Variants in SRSF3 observed in about 807,000 individuals in gnomAD.
The protein encoded by SRSF3 is serine and arginine rich splicing factor 3.
For synonymous variants in SRSF3, 87 were observed against 73.6 expected, an observed-to-expected ratio of 1.18 and a Z score of -0.93; for missense variants, 58 against 217.1, an observed-to-expected ratio of 0.27 and a Z score of 4.61.
At chr6:36,597,403 G>A (rs1359713922) in intron 2 of SRSF3, among the ~76,000 whole-genome samples, 1 of 152,126 alleles carries the variant, frequency 6.6e-6, no homozygotes, top group African/African-American at 2.4e-5. Flanking sequence ...ACTGTGCCCA[G>A]CCAGGATCAA....
chr6:36,595,412 G>A (rs1778610033), intron 1 of SRSF3, among the ~76,000 whole-genome samples: 2 of 152,158 alleles, frequency 1.3e-5, no homozygotes, highest in South Asian at 4.1e-4. Context: ...TCAGTGTTGT[G>A]TAATCATCAC....
At position 36,598,766 on chromosome 6, in the gene SRSF3, A is replaced by G. The variant is rs1778672143; in HGVS notation, c.207-83A>G. On this transcript the variant is annotated intron_variant, in intron 2 of 5. Coordinates refer to ENST00000373715, the MANE Select transcript of SRSF3 (RefSeq NM_003017.5). ...GACACTTAGGTGTGTTCTTTGCAGA[A>G]TAGCCAACTGAGAGTACTTTTGGCT... 5 of 1,503,528 alleles carry G rather than the reference A, an allele frequency of 3.3e-6. No individual in the cohort carries two copies. In the African/African-American group the frequency reaches 7.0e-5, roughly 21 times the overall value. 93.1% of individuals were successfully genotyped at this position (1,503,528 alleles called of 1,614,324 possible).
intron 2 of SRSF3, among the ~76,000 whole-genome samples, chr6:36,597,821 C>G (rs2127505264): frequency 7.9e-6 from 1 of 126,534 alleles, no homozygotes; most frequent in Middle Eastern, 4.0e-3. Context: ...TTTTTTTTTA[C>G]TACTGTGAGC....
In SRSF3 at chr6:36,602,242, C is replaced by T; in HGVS notation, c.*253C>T. On this transcript the variant is annotated 3_prime_UTR_variant, in exon 6 of 6. Transcript: ENST00000373715. ...GTTCCCTTAAGCAAAATTGAATTTGCTTTGAACTTTTAGTTATGCACAGAC... is the reference window on the plus strand; with the variant it reads ...GTTCCCTTAAGCAAAATTGAATTTGTTTTGAACTTTTAGTTATGCACAGAC... The T allele has an allele frequency of 1.6e-6, 1 of 643,380 alleles. No individual in the cohort carries two copies. The highest frequency in any genetic ancestry group is 3.2e-5 in the East Asian group (1 of 31,574). 39.9% of individuals were successfully genotyped at this position (643,380 alleles called of 1,614,324 possible). A position where few individuals can be genotyped will look rare whatever the true frequency, so the allele number is the denominator to read the frequency against.
chr6:36,602,053 A>G lies in SRSF3; in HGVS notation c.*64A>G. ...TTCATTTGACAGGAGTATGTACAGA[A>G]AATTCAAGTTTTGTTTGAGACTTCA... On this transcript the variant is annotated 3_prime_UTR_variant, in exon 6 of 6. Transcript: ENST00000373715. The G allele has an allele frequency of 6.4e-7, 1 of 1,562,198 alleles. No individual in the cohort carries two copies. Among genetic ancestry groups the G allele is most frequent in the South Asian group, 1.2e-5 (1 of 82,218 alleles).
At chr6:36,594,742 G>A (rs1290694453) in intron 1 of SRSF3, 3 of 151,912 alleles carry the variant, frequency 2.0e-5, no homozygotes, top group African/African-American at 7.2e-5. Context: ...GCCGATAGCC[G>A]AGTTGTATTC....
Position 36,596,620 on chromosome 6 carries a change from T to G in SRSF3, c.-2-141T>G, listed in dbSNP as rs1194547161. 5.8e-6 allele frequency: 4 copies of G among 691,274 alleles called. 1 individual carries two copies. Among genetic ancestry groups the G allele is most frequent in the Non-Finnish European group, 9.6e-6 (4 of 417,050 alleles). The allele number at this position is 691,274 out of a possible 1,614,324, so 42.8% of individuals were successfully genotyped here. On this transcript the variant is annotated intron_variant, in intron 1 of 5. Coordinates refer to ENST00000373715, the MANE Select transcript of SRSF3 (RefSeq NM_003017.5). ...TTAGCAGTAACATTTCTTGTTTGGT[T>G]TCTAGCATTTTTGTAATTTTTTTTT...
At chr6:36,601,320 G>A (rs931023590) in intron 4 of SRSF3, 130 bp downstream of exon 4, 6 of 863,382 alleles carry the variant, frequency 6.9e-6, no homozygotes, top group African/African-American at 3.4e-5. Flanking sequence ...GTAAGGATGA[G>A]TCAGCTTTCT....
chr6:36,596,291 TGTAGGTACTTTGAATC>T lies in SRSF3; in HGVS notation c.-2-468_-2-453del, dbSNP rs1216256285. Reference sequence around the variant, plus strand: ...ATTAAAGCTGGTAAGTTTTGGCTTATGTAGGTACTTTGAATCGCTTGCCTGGTAGTATAACCTTAAG... The same window carrying T: ...ATTAAAGCTGGTAAGTTTTGGCTTATGCTTGCCTGGTAGTATAACCTTAAG... On this transcript the variant is annotated intron_variant, in intron 1 of 5. Coordinates refer to ENST00000373715, the MANE Select transcript of SRSF3 (RefSeq NM_003017.5). Among the ~76,000 whole-genome samples, 29 of 152,294 alleles carry T rather than the reference TGTAGGTACTTTGAATC, an allele frequency of 1.9e-4. No individual in the cohort carries two copies. The East Asian group carries it at 3.3e-3, about 17-fold the overall frequency.
In SRSF3 at chr6:36,604,033, C is replaced by G. The variant is rs1009750111; in HGVS notation, c.*2044C>G. ...ACTTTAACCAGGAGCCCTAGCATAA[C>G]CTCAAGACTCTTAGAAACTTTAGAA... is the stretch of plus-strand genomic sequence containing the variant. On this transcript the variant is annotated 3_prime_UTR_variant, in exon 6 of 6. Coordinates refer to ENST00000373715, the MANE Select transcript of SRSF3 (RefSeq NM_003017.5). The G allele has an allele frequency of 4.3e-6, 1 of 230,110 alleles. No individual in the cohort carries two copies. The highest frequency in any genetic ancestry group is 8.6e-6 in the Non-Finnish European group (1 of 116,182). The allele number at this position is 230,110 out of a possible 1,614,324, so 14.3% of individuals were successfully genotyped here. A position where few individuals can be genotyped will look rare whatever the true frequency, so the allele number is the denominator to read the frequency against.
At chr6:36,597,464 A>G (rs987290487) in intron 2 of SRSF3, among the ~76,000 whole-genome samples, 3 of 152,190 alleles carry the variant, frequency 2.0e-5, no homozygotes, top group Admixed American at 6.6e-5. Context: ...AATTGTTTAC[A>G]AAATGGTTAC....
intron 3 of SRSF3, chr6:36,600,391 C>A: frequency 1.7e-6 from 1 of 594,248 alleles, no homozygotes; most frequent in Non-Finnish European, 2.1e-6. Context: ...TGGTAACGTA[C>A]ATATATATTG....
Position 36,594,460 on chromosome 6 carries a change from C to T in SRSF3, c.-24C>T, listed in dbSNP as rs1388652451. 6.6e-6 allele frequency: 1 copy of T among 152,470 alleles called. No homozygotes were observed. Among genetic ancestry groups the T allele is most frequent in the Non-Finnish European group, 1.5e-5 (1 of 68,068 alleles). The allele number at this position is 152,470 out of a possible 1,614,324, so 9.4% of individuals were successfully genotyped here. A position where few individuals can be genotyped will look rare whatever the true frequency, so the allele number is the denominator to read the frequency against. ...CGGAGCGTGTGGATTTGAGCCGCCG[C>T]ATTTTTTAACCCTAGATCTCGGTAA... is the stretch of plus-strand genomic sequence containing the variant. On this transcript the variant is annotated 5_prime_UTR_variant, in exon 1 of 6. Coordinates refer to ENST00000373715, the MANE Select transcript of SRSF3 (RefSeq NM_003017.5).
In SRSF3 at chr6:36,604,301, T is replaced by G. The variant is rs1447392417; in HGVS notation, c.*2312T>G. 3 of 213,698 alleles carry G rather than the reference T, an allele frequency of 1.4e-5. No homozygotes were observed. The highest frequency in any genetic ancestry group is 1.9e-5 in the Non-Finnish European group (2 of 105,740). 13.2% of individuals were successfully genotyped at this position (213,698 alleles called of 1,614,324 possible). A position where few individuals can be genotyped will look rare whatever the true frequency, so the allele number is the denominator to read the frequency against. On this transcript the variant is annotated 3_prime_UTR_variant, in exon 6 of 6. Transcript: ENST00000373715. ...TGTAAAGAAACATTAAGGATTATAT[T>G]TGATTGTTTTCAAAGACACTGGCTG... is the stretch of plus-strand genomic sequence containing the variant.
Position 36,603,144 on chromosome 6 carries a change from T to C in SRSF3, c.*1155T>C, listed in dbSNP as rs1778747882. ...ATATTTAGTGACCAACATTTTAAAG[T>C]ATAGCAGCAACCTGGTTCTTAAACA... On this transcript the variant is annotated 3_prime_UTR_variant, in exon 6 of 6. Transcript: ENST00000373715. The C allele has an allele frequency of 1.3e-5, 3 of 224,300 alleles. No individual in the cohort carries two copies. The East Asian group carries it at 1.9e-4, about 15-fold the overall frequency. 13.9% of individuals were successfully genotyped at this position (224,300 alleles called of 1,614,324 possible).
intron 3 of SRSF3, chr6:36,599,497 A>G (rs919798344): frequency 2.8e-5 from 6 of 212,640 alleles, no homozygotes; most frequent in African/African-American, 1.4e-4. Context: ...AATCCCAAAT[A>G]GGAGAAAATT....
At position 36,604,000 on chromosome 6, in the gene SRSF3, T is replaced by C. The variant is rs1039315347; in HGVS notation, c.*2011T>C. ...GACTTAGGTGACATACAGTCCCAGT[T>C]GGCAGTTACTTTAACCAGGAGCCCT... On this transcript the variant is annotated 3_prime_UTR_variant, in exon 6 of 6. Coordinates refer to ENST00000373715, the MANE Select transcript of SRSF3 (RefSeq NM_003017.5). 8.7e-6 allele frequency: 2 copies of C among 230,526 alleles called. No individual in the cohort carries two copies. The highest frequency in any genetic ancestry group is 1.1e-4 in the Admixed American group (2 of 17,694). The allele number at this position is 230,526 out of a possible 1,614,324, so 14.3% of individuals were successfully genotyped here.
chr6:36,594,716 G>C (rs1392880852), intron 1 of SRSF3: 1 of 152,124 alleles, frequency 6.6e-6, no homozygotes, highest in African/African-American at 2.4e-5. Context: ...CTGGGAGTTG[G>C]GAACCACAAA....
At chr6:36,600,086 A>G in intron 3 of SRSF3, 16 of 1,169,912 alleles carry the variant, frequency 1.4e-5, no homozygotes, top group Non-Finnish European at 1.7e-5. Flanking sequence ...CTGTTTATTT[A>G]CCAAATGTCT....
Sources: gnomAD v4.1 joint callset for allele counts (sites outside exome capture counted in the v4.1 genomes callset) on GRCh38, gnomAD v4.1.1 for gene constraint, MANE v1.5 for transcripts, NCBI Gene and HGNC (gene_info 2026-07-23, HGNC 2026-07-21) for gene names.